SVEP1: variants seen among roughly 807,000 people sequenced by gnomAD.
SVEP1 encodes sushi, von Willebrand factor type A, EGF and pentraxin domain-containing protein 1.
Under a neutral mutation model 367.3 loss-of-function variants are expected in SVEP1, and 164 were observed. That is an observed-to-expected ratio of 0.45 (90% confidence interval 0.39 to 0.51). The LOEUF (loss-of-function observed/expected upper bound fraction) is 0.51, where lower values mean the gene tolerates loss of function less well. Ranked by LOEUF, SVEP1 falls within the 20% of genes least tolerant of loss-of-function variation. The pLI is 0.00. For synonymous variants in SVEP1, 1,666 were observed against 1,611.6 expected, an observed-to-expected ratio of 1.03 and a Z score of -0.81; for missense variants, 4,117 against 4,425.3, an observed-to-expected ratio of 0.93 and a Z score of 1.98.
At chr9:110,464,132 C>T (rs975603632) in intron 18 of SVEP1, among the ~76,000 whole-genome samples, 3 of 152,108 alleles carry the variant, frequency 2.0e-5, no homozygotes, top group Non-Finnish European at 2.9e-5. Flanking sequence ...TTACTGTGGA[C>T]TTTCTGCCAA....
intron 10 of SVEP1, among the ~76,000 whole-genome samples, chr9:110,483,292 G>A (rs1339153896): frequency 6.6e-6 from 1 of 152,072 alleles, no homozygotes; most frequent in African/African-American, 2.4e-5. Context: ...TACCTCTAGA[G>A]CAACATAAGC....
At position 110,508,629 on chromosome 9, in the gene SVEP1, C is replaced by T. The variant is rs367931210; in HGVS notation, c.1303+4297G>A. 2.0e-5 allele frequency among the ~76,000 whole-genome samples: 3 copies of T among 151,676 alleles called. No homozygotes were observed. The South Asian group carries it at 6.3e-4, about 32-fold the overall frequency. Reference sequence around the variant, plus strand: ...ACAAAAAATTAGCCGGGCATGGTGGCGGGTGCCTGTAGTCCCAGCTACTCG... The same window carrying T: ...ACAAAAAATTAGCCGGGCATGGTGGTGGGTGCCTGTAGTCCCAGCTACTCG... On this transcript the variant is annotated intron_variant, in intron 5 of 47. Transcript: ENST00000374469.
At chr9:110,569,773 A>G (rs1830532345) in intron 1 of SVEP1, among the ~76,000 whole-genome samples, 1 of 152,232 alleles carries the variant, frequency 6.6e-6, no homozygotes, top group Non-Finnish European at 1.5e-5. Context: ...CATAGTAATT[A>G]GAATCTATCT....
intron 39 of SVEP1, among the ~76,000 whole-genome samples, chr9:110,403,717 T>C (rs1177133748): frequency 6.6e-6 from 1 of 152,112 alleles, no homozygotes; most frequent in African/African-American, 2.4e-5. Context: ...AGAATGTCTA[T>C]GCATAGAAAT....
chr9:110,462,685 C>A (rs1243642831), intron 18 of SVEP1, among the ~76,000 whole-genome samples: 1 of 151,294 alleles, frequency 6.6e-6, no homozygotes, highest in Non-Finnish European at 1.5e-5. Flanking sequence ...AAAAATGCAA[C>A]AAAACCCTCT....
intron 47 of SVEP1, among the ~76,000 whole-genome samples, chr9:110,368,026 C>T (rs58515742): frequency 0.017 from 2,585 of 152,146 alleles, 85 homozygotes; most frequent in African/African-American, 0.059. Context: ...TGCAGTAAGC[C>T]GAGATTGCAC....
At chr9:110,470,146 C>T (rs1414880014) in intron 16 of SVEP1, among the ~76,000 whole-genome samples, 1 of 152,004 alleles carries the variant, frequency 6.6e-6, no homozygotes, top group East Asian at 1.9e-4. Flanking sequence ...CTGGAATTGA[C>T]CCAGATCATG....
chr9:110,370,038 T>A, intron 46 of SVEP1, 22 bp from the exon 47 acceptor site: 1 of 1,600,178 alleles, frequency 6.2e-7, no homozygotes, highest in African/African-American at 1.3e-5. Flanking sequence ...AACCCATGCA[T>A]TTATTTAATT....
chr9:110,476,345 G>T, intron 13 of SVEP1, 30 bp from the exon 14 acceptor site: 1 of 1,526,562 alleles, frequency 6.6e-7, no homozygotes, highest in Non-Finnish European at 9.1e-7. Flanking sequence ...AGGATAAAGT[G>T]TAAATCACTT....
chr9:110,436,139 C>T (rs1828427865), intron 28 of SVEP1, among the ~76,000 whole-genome samples: 1 of 150,796 alleles, frequency 6.6e-6, no homozygotes, highest in South Asian at 2.1e-4. Flanking sequence ...TTTGCAAAAT[C>T]TAAAATAATG....
chr9:110,535,794 G>T (rs1404532516), intron 3 of SVEP1, among the ~76,000 whole-genome samples: 4 of 150,526 alleles, frequency 2.7e-5, no homozygotes, highest in Non-Finnish European at 3.0e-5. Flanking sequence ...TACATTCCTG[G>T]TTTTTTTGTA....
chr9:110,552,679 C>T (rs959843268), intron 1 of SVEP1, among the ~76,000 whole-genome samples: 13 of 151,956 alleles, frequency 8.6e-5, no homozygotes, highest in Non-Finnish European at 1.6e-4. Context: ...CTAATGCTGC[C>T]GCTGATCTGA....
Position 110,465,381 on chromosome 9 carries a change from T to C in SVEP1, c.3322+484A>G, listed in dbSNP as rs555428603. On this transcript the variant is annotated intron_variant, in intron 18 of 47. Coordinates refer to ENST00000374469, the MANE Select transcript of SVEP1 (RefSeq NM_153366.4). ...TGGGAGAGAGGATCAGGTTTCAGTATTTTAAAAATACTCATGTAAATGTGA... is the reference window on the plus strand; with the variant it reads ...TGGGAGAGAGGATCAGGTTTCAGTACTTTAAAAATACTCATGTAAATGTGA... Among the ~76,000 whole-genome samples the C allele has an allele frequency of 2.0e-5, 3 of 152,304 alleles. No individual in the cohort carries two copies. In the South Asian group the frequency reaches 6.2e-4, roughly 32 times the overall value.
intron 30 of SVEP1, among the ~76,000 whole-genome samples, chr9:110,433,453 C>A (rs1588050964): frequency 7.2e-6 from 1 of 138,488 alleles, no homozygotes; most frequent in Non-Finnish European, 1.5e-5. Context: ...ACCTAACCCT[C>A]ATTTTGTATT....
At chr9:110,517,014 T>G (rs1170386318) in intron 3 of SVEP1, among the ~76,000 whole-genome samples, 3 of 152,172 alleles carry the variant, frequency 2.0e-5, no homozygotes, top group African/African-American at 4.8e-5. Flanking sequence ...ATTTTTTCTT[T>G]GCAAAAACAA....
chr9:110,565,889 G>T (rs1830486155), intron 1 of SVEP1, among the ~76,000 whole-genome samples: 1 of 152,038 alleles, frequency 6.6e-6, no homozygotes, highest in South Asian at 2.1e-4. Flanking sequence ...CTGCATGGTG[G>T]TTAAGAATTT....
At chr9:110,428,488 C>T (rs554571489) in intron 35 of SVEP1, among the ~76,000 whole-genome samples, 26 of 151,740 alleles carry the variant, frequency 1.7e-4, no homozygotes, top group Non-Finnish European at 3.5e-4. Flanking sequence ...TTTTTCATAA[C>T]ATTCCATGCA....
intron 9 of SVEP1, among the ~76,000 whole-genome samples, chr9:110,487,674 G>A (rs1380843250): frequency 2.6e-5 from 4 of 152,134 alleles, no homozygotes; most frequent in Non-Finnish European, 2.9e-5. Context: ...ATAGACCTGA[G>A]ATAAATGTTG....
chr9:110,475,501 T>C (rs7035573), intron 14 of SVEP1, among the ~76,000 whole-genome samples: 41,999 of 151,788 alleles, frequency 0.28, 6,235 homozygotes, highest in Non-Finnish European at 0.32. Flanking sequence ...TGTTTAACCA[T>C]TACACTACTT....
Sources: gnomAD v4.1 joint callset for allele counts (sites outside exome capture counted in the v4.1 genomes callset) on GRCh38, gnomAD v4.1.1 for gene constraint, MANE v1.5 for transcripts, NCBI Gene and HGNC (gene_info 2026-07-23, HGNC 2026-07-21) for gene names.